Variants in CDH12 observed in about 807,000 individuals in gnomAD.
CDH12 encodes cadherin-12.
Under a neutral mutation model 74.1 loss-of-function variants are expected in CDH12, and 41 were observed. That is an observed-to-expected ratio of 0.55 (90% CI 0.43 to 0.72). The LOEUF (loss-of-function observed/expected upper bound fraction) is 0.72, where lower values mean the gene tolerates loss of function less well. CDH12 is among the 30% of genes least tolerant of loss of function. The pLI is 0.00. For missense variants in CDH12, 945 were observed against 977.2 expected (o/e 0.97, Z 0.44); for synonymous variants, 399 against 355.0 (o/e 1.12, Z -1.39).
intron 1 of CDH12, among the ~76,000 whole-genome samples, chr5:22,537,624 G>T (rs1031976828): frequency 3.3e-5 from 5 of 151,960 alleles, no homozygotes; most frequent in Non-Finnish European, 7.4e-5. Flanking sequence ...AATAACCTCT[G>T]CTCCAACCAG....
At chr5:21,791,967 T>C (rs1746524382) in intron 10 of CDH12, among the ~76,000 whole-genome samples, 1 of 151,946 alleles carries the variant, frequency 6.6e-6, no homozygotes, top group Non-Finnish European at 1.5e-5. Flanking sequence ...CAAATTCCTC[T>C]GAAAGTACTA....
intron 4 of CDH12, among the ~76,000 whole-genome samples, chr5:22,107,198 T>A: frequency 6.6e-6 from 1 of 151,758 alleles, no homozygotes. Flanking sequence ...AATGTCACGA[T>A]CTCGGCTCAC....
At chr5:22,599,429 C>T (rs189582834) in intron 1 of CDH12, among the ~76,000 whole-genome samples, 6 of 152,288 alleles carry the variant, frequency 3.9e-5, no homozygotes, top group African/African-American at 1.2e-4. Context: ...AAATAATGCC[C>T]TCTGGCCACT....
intron 3 of CDH12, among the ~76,000 whole-genome samples, chr5:22,220,411 CAT>C (rs10593693): frequency 0.43 from 64,956 of 151,240 alleles, 15,235 homozygotes; most frequent in Non-Finnish European, 0.53. Flanking sequence ...ATATTTTTGA[CAT>C]ATAAATTTTC....
intron 1 of CDH12, among the ~76,000 whole-genome samples, chr5:22,744,854 G>A (rs182198982): frequency 8.8e-4 from 134 of 152,108 alleles, no homozygotes; most frequent in Middle Eastern, 3.4e-3. Flanking sequence ...CTCTGGGAAG[G>A]CTCTGAGACT....
chr5:22,271,089 T>C (rs913668620), intron 3 of CDH12, among the ~76,000 whole-genome samples: 2 of 152,232 alleles, frequency 1.3e-5, no homozygotes, highest in Non-Finnish European at 2.9e-5. Context: ...GTGCATGTGA[T>C]GCTATTTGAT....
In CDH12 at chr5:22,583,045, C is replaced by T. The variant is rs111914850; in HGVS notation, c.-522-77681G>A. ...GCACTTTGAAGCAAGCAGAGAGGTACGCAGAAATAGTAACAAATTTCAGGG... is the reference window on the plus strand; with the variant it reads ...GCACTTTGAAGCAAGCAGAGAGGTATGCAGAAATAGTAACAAATTTCAGGG... On this transcript the variant is annotated intron_variant, in intron 1 of 14. Coordinates refer to ENST00000382254, the MANE Select transcript of CDH12 (RefSeq NM_004061.5). Among the ~76,000 whole-genome samples the T allele has an allele frequency of 4.6e-3, 695 of 152,124 alleles. 13 individuals carry two copies. The East Asian group carries it at 0.065, about 14-fold the overall frequency.
At chr5:21,821,179 G>A (rs1748349184) in intron 8 of CDH12, among the ~76,000 whole-genome samples, 1 of 151,796 alleles carries the variant, frequency 6.6e-6, no homozygotes, top group South Asian at 2.1e-4. Context: ...CTTAAACTGT[G>A]TGTCGGGCGG....
intron 5 of CDH12, among the ~76,000 whole-genome samples, chr5:22,018,889 T>A (rs1737782408): frequency 6.6e-6 from 1 of 152,068 alleles, no homozygotes; most frequent in South Asian, 2.1e-4. Context: ...CTGGCCAACA[T>A]GGTGAAACCC....
intron 2 of CDH12, among the ~76,000 whole-genome samples, chr5:22,493,481 A>G (rs919448027): frequency 6.6e-6 from 1 of 151,236 alleles, no homozygotes; most frequent in Non-Finnish European, 1.5e-5. Context: ...GCATGCATAG[A>G]TACATGCTAC....
intron 1 of CDH12, among the ~76,000 whole-genome samples, chr5:22,572,287 A>C (rs969953145): frequency 5.9e-5 from 9 of 152,168 alleles, no homozygotes; most frequent in Admixed American, 3.3e-4. Context: ...TAATACTAAA[A>C]ATTTTTTAGT....
chr5:22,179,795 T>C (rs956395740), intron 4 of CDH12, among the ~76,000 whole-genome samples: 2 of 152,188 alleles, frequency 1.3e-5, no homozygotes, highest in Non-Finnish European at 2.9e-5. Flanking sequence ...ATTTAGCACC[T>C]ATAGAGTTCT....
intron 1 of CDH12, among the ~76,000 whole-genome samples, chr5:22,548,170 A>G (rs1025618467): frequency 2.0e-5 from 3 of 152,184 alleles, no homozygotes; most frequent in Non-Finnish European, 4.4e-5. Context: ...AACTTTAAAG[A>G]CTTCAGATAC....
intron 12 of CDH12, among the ~76,000 whole-genome samples, chr5:21,763,611 A>G (rs1213812794): frequency 3.3e-5 from 5 of 152,200 alleles, no homozygotes; most frequent in South Asian, 2.1e-4. Flanking sequence ...ATACCAATGC[A>G]TTTTGTATTT....
chr5:22,615,197 C>T (rs1336326566), intron 1 of CDH12, among the ~76,000 whole-genome samples: 1 of 152,028 alleles, frequency 6.6e-6, no homozygotes, highest in Admixed American at 6.6e-5. Flanking sequence ...CGTGTAATGA[C>T]AACAATTCCA....
intron 8 of CDH12, among the ~76,000 whole-genome samples, chr5:21,837,035 A>G (rs761384112): frequency 1.3e-5 from 2 of 152,012 alleles, no homozygotes; most frequent in Non-Finnish European, 1.5e-5. Flanking sequence ...GAGAGTGCTA[A>G]GAAGTTAGGG....
chr5:22,060,857 T>G (rs983736249), intron 5 of CDH12, among the ~76,000 whole-genome samples: 4 of 152,008 alleles, frequency 2.6e-5, no homozygotes, highest in Non-Finnish European at 4.4e-5. Flanking sequence ...AGGAGAAGAG[T>G]TGCCAGAGCT....
intron 6 of CDH12, chr5:21,883,732 C>T: frequency 1.3e-6 from 2 of 1,591,540 alleles, no homozygotes; most frequent in South Asian, 1.1e-5. Context: ...TTAGATGTCA[C>T]AACTAGTGAA....
chr5:22,845,562 T>C (rs1003808392), intron 1 of CDH12, among the ~76,000 whole-genome samples: 5 of 152,180 alleles, frequency 3.3e-5, no homozygotes, highest in African/African-American at 4.8e-5. Flanking sequence ...CATCATATGA[T>C]ATGAAGTAGG....
Sources: gnomAD v4.1 joint callset for allele counts (sites outside exome capture counted in the v4.1 genomes callset) on GRCh38, gnomAD v4.1.1 for gene constraint, MANE v1.5 for transcripts, NCBI Gene and HGNC (gene_info 2026-07-23, HGNC 2026-07-21) for gene names.